Variants in DIDO1 observed in about 807,000 individuals in gnomAD.
The protein encoded by DIDO1 is death inducer-obliterator 1, also known as death-inducer obliterator 1.
DIDO1 carries 16 observed loss-of-function variants against 99.4 expected under a neutral mutation model. The observed-to-expected ratio is 0.16, with a 90% CI of 0.11 to 0.24. The LOEUF (loss-of-function observed/expected upper bound fraction) is 0.24, where lower values mean the gene tolerates loss of function less well. Among genes scored for constraint, DIDO1 ranks in the 10% least tolerant of loss-of-function variants. The probability of loss-of-function intolerance (pLI) is 1.00; values close to 1 mark genes in which losing one functional copy is unlikely to be tolerated. For synonymous variants in DIDO1, 1,366 were observed against 1,239.1 expected (o/e 1.10, Z -2.15); for missense variants, 2,996 against 3,014.0 (o/e 0.99, Z 0.14).
upstream of DIDO1, among the ~76,000 whole-genome samples, chr20:62,930,881 C>T (rs182506904): frequency 2.6e-5 from 4 of 152,206 alleles, no homozygotes; most frequent in Non-Finnish European, 4.4e-5. Flanking sequence ...GGAACTGAAT[C>T]TGGATGTTAT....
At chr20:62,901,174 G>A (rs545028366) in intron 6 of DIDO1, among the ~76,000 whole-genome samples, 222 of 152,278 alleles carry the variant, frequency 1.5e-3, no homozygotes, top group African/African-American at 5.1e-3. Context: ...CTACATCGCA[G>A]ACGCTCCTCA....
In DIDO1 at chr20:62,894,432, G is replaced by A. The variant is rs1204338575; in HGVS notation, c.2553C>T (p.Leu851=). 2.5e-6 allele frequency: 4 copies of A among 1,612,786 alleles called. No individual in the cohort carries two copies. Among genetic ancestry groups the A allele is most frequent in the East Asian group, 2.2e-5 (1 of 44,888 alleles). ...GCTCACCTGTGCAAATTTTACAGTT[G>A]AGATCGAAGAGGTGTGCGCGGTGCT... is the stretch of plus-strand genomic sequence containing the variant. ...TSQHRAHLFD[L]NCKICTGQVP... is the part of the protein sequence containing the mutation. The change falls in exon 11 of 16, where the codon CTC becomes CTT. Residue 851 remains leucine (L), a synonymous_variant. Coordinates refer to ENST00000395343, the MANE Select transcript of DIDO1 (RefSeq NM_001193369.2). The surrounding 1 kb of genome is among the most constrained non-coding windows in gnomAD (Gnocchi z 4.4).
chr20:62,885,928 C>T (rs1600914139), intron 15 of DIDO1, among the ~76,000 whole-genome samples: 1 of 152,338 alleles, frequency 6.6e-6, no homozygotes, highest in African/African-American at 2.4e-5. Context: ...GGTCACAGAG[C>T]CCCCACCTCA....
At chr20:62,887,477 A>G (rs1226819443) in intron 15 of DIDO1, 1 of 985,376 alleles carries the variant, frequency 1.0e-6, no homozygotes, top group African/African-American at 1.7e-5. Flanking sequence ...CAGAGAAAAG[A>G]GCCCTTTCCA....
chr20:62,882,803 C>A (rs770880733), intron 15 of DIDO1, among the ~76,000 whole-genome samples: 2 of 152,046 alleles, frequency 1.3e-5, no homozygotes, highest in Non-Finnish European at 2.9e-5. Flanking sequence ...GGGAGGGAGG[C>A]CGTGGTGTGA....
Position 62,882,244 on chromosome 20 carries a change from C to T in DIDO1, c.3712G>A (p.Glu1238Lys). 1.9e-6 allele frequency: 3 copies of T among 1,613,934 alleles called. No homozygotes were observed. The highest frequency in any genetic ancestry group is 2.5e-6 in the Non-Finnish European group (3 of 1,180,032). ...AGTGGATACTTGGAGGGCTTCTTTT[C>T]CGACTGCGGGACTGTGGCTACTTTT... ...YPKVATVPQS[E>K]KKPSKYPLCS... is the part of the protein sequence containing the mutation. Residue 1238 changes from glutamate (E) to lysine (K), a missense_variant, in exon 16 of 16, where the codon GAA (glutamate) becomes AAA (lysine). Glu to Lys is a moderately conservative substitution (Grantham distance 56). This residue lies in a region of DIDO1 where 1,562 missense variants were observed against 1,412.6 expected (regional missense o/e 1.11). Coordinates refer to ENST00000395343, the MANE Select transcript of DIDO1 (RefSeq NM_001193369.2).
At chr20:62,889,925 C>G in intron 15 of DIDO1, 1 of 985,454 alleles carries the variant, frequency 1.0e-6, no homozygotes, top group Non-Finnish European at 1.2e-6. Flanking sequence ...TGAGCCCACT[C>G]CAGCTGTGAA....
chr20:62,887,035 G>A (rs928180509), intron 15 of DIDO1, among the ~76,000 whole-genome samples: 4 of 152,346 alleles, frequency 2.6e-5, no homozygotes, highest in Middle Eastern at 6.8e-3. Context: ...GTGCCGGGGT[G>A]CCGAGAAGGG....
intron 15 of DIDO1, chr20:62,889,983 C>T: frequency 5.1e-5 from 50 of 985,462 alleles, no homozygotes; most frequent in Non-Finnish European, 5.9e-5. Flanking sequence ...CGACAGAAGT[C>T]CCGCCCAAGA....
rs771680064 is a variant in DIDO1 at position 62,881,029 on chromosome 20, G to C, written c.4927C>G (p.Arg1643Gly). 2 of 1,604,746 alleles carry C rather than the reference G, an allele frequency of 1.2e-6. No individual in the cohort carries two copies. The highest frequency in any genetic ancestry group is 1.3e-5 in the African/African-American group (1 of 74,946). ...GAGCTGTCTCCAACCGTGGCGGGGC[G>C]GGTGCCCTCCCCAGGCTCTGCCTTC... ...GWKAEPGEGTRPATVGDSSAR... is the reference protein window; with the variant it reads ...GWKAEPGEGTGPATVGDSSAR... The change falls in exon 16 of 16, where the codon CGC becomes GGC. Residue 1643 changes from arginine to glycine, a missense_variant. By Grantham distance (125) the Arg-to-Gly change is moderately radical. Around this residue, in one of 5 missense-constraint regions of DIDO1, gnomAD observed 1,562 missense variants for 1,412.6 expected, o/e 1.11. Coordinates refer to ENST00000395343, the MANE Select transcript of DIDO1 (RefSeq NM_001193369.2). This position sits in a 1 kb window ranked among gnomAD's most constrained non-coding sequence, Gnocchi z 8.3.
chr20:62,926,657 C>T (rs1438163339), upstream of DIDO1, among the ~76,000 whole-genome samples: 4 of 152,204 alleles, frequency 2.6e-5, no homozygotes, highest in African/African-American at 7.2e-5. Context: ...CCGGACGCGC[C>T]CTTCGGGTCT....
chr20:62,888,460 C>CT, intron 15 of DIDO1: 1 of 985,526 alleles, frequency 1.0e-6, no homozygotes, highest in Non-Finnish European at 1.2e-6. Context: ...GAGCTGGGTC[C>CT]TGCAGACCCT....
chr20:62,891,228 C>T, intron 14 of DIDO1, 73 bp from the exon 15 acceptor site: 2 of 1,595,858 alleles, frequency 1.3e-6, no homozygotes, highest in Non-Finnish European at 1.7e-6. Flanking sequence ...TCACATCCTG[C>T]TTTCAACAGG....
rs1423269204 is a variant in DIDO1, at chr20:62,880,525, A to G, written c.5431T>C (p.Phe1811Leu). The G allele has an allele frequency of 6.2e-7, 1 of 1,612,930 alleles. No individual in the cohort carries two copies. The highest frequency in any genetic ancestry group is 1.7e-5 in the Admixed American group (1 of 60,014). ...GAQKGPIPSL[F>L]SGQHGPPPYG... is the part of the protein sequence containing the mutation. ...GGAGGTGGCCCATGTTGCCCCGAGA[A>G]TAAGGAAGGGATGGGCCCCTTCTGG... Residue 1811 changes from phenylalanine (F) to leucine (L), a missense_variant, in exon 16 of 16, where the codon TTC becomes CTC. Coordinates refer to ENST00000395343, the MANE Select transcript of DIDO1 (RefSeq NM_001193369.2).
At chr20:62,893,530 C>A (rs1188031976) in intron 12 of DIDO1, 136 bp downstream of exon 12, 1 of 1,088,480 alleles carries the variant, frequency 9.2e-7, no homozygotes. Flanking sequence ...ACAACTGGGG[C>A]TTTTTAAAAG....
In DIDO1 at chr20:62,894,653, G is replaced by T; in HGVS notation, c.2437-105C>A. On this transcript the variant is annotated intron_variant, in intron 10 of 15. Coordinates refer to ENST00000395343, the MANE Select transcript of DIDO1 (RefSeq NM_001193369.2). This position sits in a 1 kb window ranked among gnomAD's most constrained non-coding sequence, Gnocchi z 4.4. ...GTCTCATGGGATTGAGACCCACGGG[G>T]GAGAAAAAAGGACCATCTAATACAA... The T allele has an allele frequency of 6.9e-7, 1 of 1,457,658 alleles. No homozygotes were observed. Among genetic ancestry groups the T allele is most frequent in the South Asian group, 1.3e-5 (1 of 76,402 alleles). The allele number at this position is 1,457,658 out of a possible 1,614,324, so 90.3% of individuals were successfully genotyped here.
chr20:62,882,337 C>G lies in DIDO1; in HGVS notation c.3619G>C (p.Glu1207Gln), dbSNP rs1163866046. 1 of 1,614,036 alleles carries G rather than the reference C, an allele frequency of 6.2e-7. No homozygotes were observed. Among genetic ancestry groups the G allele is most frequent in the Admixed American group, 1.7e-5 (1 of 60,014 alleles). Reference protein sequence around the residue: ...QKIKRPANSGELDKMDEKRTR... With the variant: ...QKIKRPANSGQLDKMDEKRTR... Reference sequence around the variant, plus strand: ...CGCTTTTCGTCCATCTTGTCTAACTCTCCACTGTTTGCGGGACGTTTGATT... The same window carrying G: ...CGCTTTTCGTCCATCTTGTCTAACTGTCCACTGTTTGCGGGACGTTTGATT... The change falls in exon 16 of 16, where the codon GAG becomes CAG. Residue 1207 changes from glutamate to glutamine, a missense_variant. Transcript: ENST00000395343.
rs2064999351 is a variant in DIDO1 at position 62,914,258 on chromosome 20, C to G, written c.-51G>C. 6.6e-6 allele frequency: 1 copy of G among 152,154 alleles called. No individual in the cohort carries two copies. The allele number at this position is 152,154 out of a possible 1,614,324, so 9.4% of individuals were successfully genotyped here. A position where few individuals can be genotyped will look rare whatever the true frequency, so the allele number is the denominator to read the frequency against. On this transcript the variant is annotated 5_prime_UTR_variant, in exon 2 of 16. Coordinates refer to ENST00000395343, the MANE Select transcript of DIDO1 (RefSeq NM_001193369.2). Reference sequence around the variant, plus strand: ...ACACTTTTCCCTGAAATCCTAAATACAACCAAAAACCCTGGCAGACGAAAC... The same window carrying G: ...ACACTTTTCCCTGAAATCCTAAATAGAACCAAAAACCCTGGCAGACGAAAC...
chr20:62,917,539 G>A (rs1279041721), intron 1 of DIDO1, among the ~76,000 whole-genome samples: 2 of 152,106 alleles, frequency 1.3e-5, no homozygotes, highest in Admixed American at 6.5e-5. Context: ...ACTGTCCTCC[G>A]TCTGTTGTTC....
Sources: gnomAD v4.1 joint callset for allele counts (sites outside exome capture counted in the v4.1 genomes callset) on GRCh38, gnomAD v4.1.1 for gene constraint, gnomAD v4.1.1 regional missense constraint, Gnocchi (gnomAD v3.1) non-coding constraint, MANE v1.5 for transcripts, NCBI Gene and HGNC (gene_info 2026-07-23, HGNC 2026-07-21) for gene names.